The following GALNT8 variants were observed in gnomAD, a reference collection of about 807,000 sequenced individuals.
The protein encoded by GALNT8 is probable polypeptide N-acetylgalactosaminyltransferase 8.
In GALNT8, 66 loss-of-function variants were observed where a neutral mutation model predicts 62.7. That is an observed-to-expected ratio of 1.05 (90% confidence interval 0.86 to 1.29). GALNT8 has a LOEUF of 1.29. Among genes scored for constraint, GALNT8 ranks in the 50% most tolerant of loss-of-function variants. The pLI, the probability that GALNT8 is intolerant of heterozygous loss-of-function variation, is 0.00. For synonymous variants in GALNT8, 288 were observed against 294.3 expected (o/e 0.98, Z 0.22); for missense variants, 771 against 791.8 (o/e 0.97, Z 0.32).
intron 2 of GALNT8, among the ~76,000 whole-genome samples, chr12:4,735,866 A>T (rs908851829): frequency 6.6e-6 from 1 of 152,196 alleles, no homozygotes; most frequent in African/African-American, 2.4e-5. Context: ...GAAAGGCAGG[A>T]TGAAAACCTC....
At chr12:4,732,142 A>G (rs1291226721) in intron 2 of GALNT8, among the ~76,000 whole-genome samples, 1 of 151,986 alleles carries the variant, frequency 6.6e-6, no homozygotes, top group African/African-American at 2.4e-5. Context: ...TCCCAATGTA[A>G]GAATACATAT....
rs187012211 is a variant in GALNT8 at position 4,729,181 on chromosome 12, A to G, written c.509+2352A>G. On this transcript the variant is annotated intron_variant, in intron 2 of 10. Transcript: ENST00000252318. ...AATTGGCAAAATTGTATATCTTATCATGTACAATATGATGTTTTGAAATGT... is the reference window on the plus strand; with the variant it reads ...AATTGGCAAAATTGTATATCTTATCGTGTACAATATGATGTTTTGAAATGT... 3.0e-3 allele frequency among the ~76,000 whole-genome samples: 455 copies of G among 152,272 alleles called. 2 individuals carry two copies. The highest frequency in any genetic ancestry group is 9.9e-3 in the African/African-American group (413 of 41,572).
chr12:4,764,806 C>T (rs573789323), intron 9 of GALNT8, among the ~76,000 whole-genome samples: 1 of 151,486 alleles, frequency 6.6e-6, no homozygotes, highest in East Asian at 1.9e-4. Context: ...CCCACCTTGG[C>T]CTCCCAAAGT....
Position 4,763,349 on chromosome 12 carries a change from C to T in GALNT8, c.1456C>T (p.Pro486Ser). 2 of 1,612,436 alleles carry T rather than the reference C, an allele frequency of 1.2e-6. No individual in the cohort carries two copies. Among genetic ancestry groups the T allele is most frequent in the African/African-American group, 2.7e-5 (2 of 74,982 alleles). Reference protein sequence around the residue: ...TFDWYLKNVYPLLKPLHTIVG... With the variant: ...TFDWYLKNVYSLLKPLHTIVG... Reference sequence around the variant, plus strand: ...TGACTGGTACCTGAAAAATGTTTATCCACTCTTGAAGCCACTCCACACCAT... The same window carrying T: ...TGACTGGTACCTGAAAAATGTTTATTCACTCTTGAAGCCACTCCACACCAT... The change falls in exon 8 of 11, where the codon CCA (proline) becomes TCA (serine). Residue 486 changes from proline to serine, a missense_variant. Physicochemically the swap from Pro to Ser is moderately conservative, Grantham distance 74. Transcript: ENST00000252318.
At chr12:4,738,068 A>G (rs1946253599) in intron 2 of GALNT8, among the ~76,000 whole-genome samples, 2 of 152,342 alleles carry the variant, frequency 1.3e-5, no homozygotes, top group South Asian at 2.1e-4. Context: ...GAATGAAAAT[A>G]CCCAACTTTA....
intron 6 of GALNT8, among the ~76,000 whole-genome samples, chr12:4,760,387 A>C (rs74350887): frequency 4.6e-5 from 7 of 152,270 alleles, no homozygotes; most frequent in African/African-American, 1.4e-4. Flanking sequence ...TCTTGGCAAA[A>C]TGGACCCTCC....
intron 5 of GALNT8, 74 bp downstream of exon 5, chr12:4,745,700 T>A: frequency 8.7e-7 from 1 of 1,144,676 alleles, no homozygotes; most frequent in Non-Finnish European, 1.3e-6. Context: ...ATTTTGTTTA[T>A]CTTTGGTGGT....
At chr12:4,751,732 C>T (rs1284070635) in intron 6 of GALNT8, among the ~76,000 whole-genome samples, 4 of 152,064 alleles carry the variant, frequency 2.6e-5, no homozygotes, top group African/African-American at 9.7e-5. Context: ...TCCGCAGCCA[C>T]TGGATGAAAT....
intron 6 of GALNT8, among the ~76,000 whole-genome samples, chr12:4,756,005 G>A (rs1946343356): frequency 6.6e-6 from 1 of 152,172 alleles, no homozygotes; most frequent in Non-Finnish European, 1.5e-5. Flanking sequence ...ACCATGTGAA[G>A]TCTCGTAAGG....
chr12:4,732,080 A>T (rs1946224359), intron 2 of GALNT8, among the ~76,000 whole-genome samples: 1 of 112,472 alleles, frequency 8.9e-6, no homozygotes, highest in Non-Finnish European at 1.9e-5. Flanking sequence ...ATATTCTCAC[A>T]TTGGGATTTT....
intron 2 of GALNT8, among the ~76,000 whole-genome samples, chr12:4,727,171 C>T (rs1041071102): frequency 4.6e-5 from 7 of 152,104 alleles, no homozygotes; most frequent in African/African-American, 1.7e-4. Context: ...ACACCAAAGC[C>T]AGTAGCTCTA....
intron 8 of GALNT8, 120 bp from the exon 9 acceptor site, chr12:4,763,832 C>G (rs1946384918): frequency 1.4e-6 from 1 of 690,728 alleles, no homozygotes; most frequent in South Asian, 1.6e-5. Context: ...GCCCTCTGCT[C>G]CTTGTGGCTG....
chr12:4,731,661 A>C (rs887729436), intron 2 of GALNT8, among the ~76,000 whole-genome samples: 4 of 152,166 alleles, frequency 2.6e-5, no homozygotes, highest in African/African-American at 7.2e-5. Flanking sequence ...CAATTCTTCT[A>C]TACCTAATTA....
chr12:4,736,493 C>T (rs1946245523), intron 2 of GALNT8, among the ~76,000 whole-genome samples: 1 of 151,582 alleles, frequency 6.6e-6, no homozygotes, highest in African/African-American at 2.4e-5. Context: ...ATCTAATCAA[C>T]CAAGGAGGTT....
At chr12:4,734,429 C>T (rs563067472) in intron 2 of GALNT8, among the ~76,000 whole-genome samples, 54 of 152,212 alleles carry the variant, frequency 3.5e-4, no homozygotes, top group South Asian at 1.0e-3. Context: ...GATTTGTGTG[C>T]GGGTATTGCT....
intron 2 of GALNT8, among the ~76,000 whole-genome samples, chr12:4,737,633 T>A (rs959582733): frequency 6.6e-6 from 1 of 152,218 alleles, no homozygotes. Flanking sequence ...ATGTTTGTCT[T>A]CTCTGAAACT....
chr12:4,721,064 T>G (rs112509748), intron 1 of GALNT8, among the ~76,000 whole-genome samples, 176 bp downstream of exon 1: 1 of 152,004 alleles, frequency 6.6e-6, no homozygotes, highest in Non-Finnish European at 1.5e-5. Flanking sequence ...GTATTGAGAA[T>G]GAAGTGAGTA....
intron 9 of GALNT8, among the ~76,000 whole-genome samples, chr12:4,764,560 T>C (rs1427964720): frequency 1.1e-4 from 13 of 123,424 alleles, no homozygotes; most frequent in African/African-American, 4.2e-4. Context: ...TTTTTTTTTT[T>C]TGAGACAGAG....
intron 1 of GALNT8, among the ~76,000 whole-genome samples, chr12:4,724,017 C>T (rs575237657): frequency 4.2e-5 from 6 of 144,494 alleles, no homozygotes; most frequent in East Asian, 4.1e-4. Context: ...GGCGTGGTGG[C>T]GGGCGCCTGT....
Sources: allele counts gnomAD v4.1 joint callset (sites outside exome capture counted in the v4.1 genomes callset), GRCh38; gene constraint gnomAD v4.1.1; transcripts MANE v1.5; gene names NCBI Gene and HGNC (gene_info 2026-07-23, HGNC 2026-07-21).